Variants in EIF4G3 observed in about 807,000 individuals in gnomAD.
EIF4G3 encodes the protein eIF-4-gamma 3.
In EIF4G3, 34 loss-of-function variants were observed where a neutral mutation model predicts 186.4. The ratio of observed to expected loss-of-function variants is 0.18; its 90% CI spans 0.14 to 0.24. The LOEUF is 0.24. Ranked by LOEUF, EIF4G3 falls within the 10% of genes least tolerant of loss-of-function variation. The probability of loss-of-function intolerance (pLI) is 1.00; values close to 1 mark genes in which losing one functional copy is unlikely to be tolerated. For missense variants in EIF4G3, 1,536 were observed against 1,948.5 expected (o/e 0.79, Z 3.99); for synonymous variants, 673 against 679.5 (o/e 0.99, Z 0.15).
intron 2 of EIF4G3, chr1:21,111,619 G>C (rs886423387): frequency 3.7e-6 from 1 of 266,936 alleles, no homozygotes; most frequent in Non-Finnish European, 7.5e-6. Context: ...ACAAGGAAAA[G>C]TAGGTCCGTG....
intron 29 of EIF4G3, among the ~76,000 whole-genome samples, chr1:20,843,642 T>C (rs1396371725): frequency 6.6e-6 from 1 of 152,226 alleles, no homozygotes; most frequent in African/African-American, 2.4e-5. Flanking sequence ...TATCATGATA[T>C]ATATTTTTTA....
chr1:20,954,915 A>G (rs2154563903), intron 12 of EIF4G3, among the ~76,000 whole-genome samples: 1 of 152,324 alleles, frequency 6.6e-6, no homozygotes, highest in Non-Finnish European at 1.5e-5. Flanking sequence ...CTGAGTAAGC[A>G]ACATTCAGGT....
chr1:20,840,410 GGCACACA>G (rs1299784207), intron 30 of EIF4G3, among the ~76,000 whole-genome samples: 3 of 152,166 alleles, frequency 2.0e-5, no homozygotes, highest in African/African-American at 7.2e-5. Flanking sequence ...GGCTAGAGTG[GGCACACA>G]AGTGCTTCCT....
At chr1:21,015,071 T>TA (rs935708083) in intron 4 of EIF4G3, among the ~76,000 whole-genome samples, 30 of 130,274 alleles carry the variant, frequency 2.3e-4, no homozygotes, top group East Asian at 1.3e-3. Context: ...AGAAATAGTT[T>TA]AAAAAAAAAA....
intron 14 of EIF4G3, among the ~76,000 whole-genome samples, chr1:20,923,429 CTT>C (rs1332730633): frequency 6.6e-6 from 1 of 152,114 alleles, no homozygotes; most frequent in African/African-American, 2.4e-5. Flanking sequence ...TAATAAGACA[CTT>C]TTGAACCACT....
At chr1:21,018,537 G>T (rs2089867516) in intron 4 of EIF4G3, among the ~76,000 whole-genome samples, 2 of 151,598 alleles carry the variant, frequency 1.3e-5, no homozygotes, top group Non-Finnish European at 2.9e-5. Context: ...TCCAGCCTGG[G>T]CAACAGAGCT....
Position 20,950,120 on chromosome 1 carries a change from TG to T in EIF4G3, c.715-10del. ...ACCTGGCTGGGCAGCTGCTGGGATT[TG>T]AAGTACAAAAAAGGGTGATAATGAG... On this transcript the variant is annotated splice_polypyrimidine_tract_variant and intron_variant, in intron 12 of 36. Transcript: ENST00000602326. The T allele has an allele frequency of 6.4e-7, 1 of 1,569,938 alleles. No individual in the cohort carries two copies. Among genetic ancestry groups the T allele is most frequent in the Non-Finnish European group, 8.6e-7 (1 of 1,164,182 alleles).
At position 20,843,256 on chromosome 1, in the gene EIF4G3, C is replaced by T. The variant is rs146115301; in HGVS notation, c.3889-2228G>A. 8.8e-3 allele frequency among the ~76,000 whole-genome samples: 1,331 copies of T among 152,082 alleles called. 73 individuals are homozygous for T. The East Asian group carries it at 0.19, about 22-fold the overall frequency. On this transcript the variant is annotated intron_variant, in intron 29 of 36. Transcript: ENST00000602326. The stretch of plus-strand genomic sequence containing the variant: ...TCAGGCTGGAAGCGGTGGCTCACAC[C>T]TGTAATCCCAGCACGTTGGGAGGCC...
intron 7 of EIF4G3, among the ~76,000 whole-genome samples, chr1:20,992,597 C>T (rs1570554151): frequency 6.6e-6 from 1 of 152,146 alleles, no homozygotes; most frequent in Non-Finnish European, 1.5e-5. Context: ...TATTTGTTTA[C>T]ACTAAATCCC....
At chr1:20,822,088 G>A (rs1423101120) in intron 33 of EIF4G3, among the ~76,000 whole-genome samples, 1 of 152,084 alleles carries the variant, frequency 6.6e-6, no homozygotes, top group Non-Finnish European at 1.5e-5. Flanking sequence ...ATGTTGGCCA[G>A]GCTGGTCTCG....
chr1:21,030,550 T>C (rs925866754), intron 4 of EIF4G3, among the ~76,000 whole-genome samples: 1 of 152,188 alleles, frequency 6.6e-6, no homozygotes, highest in Non-Finnish European at 1.5e-5. Context: ...CAGTGTCAAG[T>C]ATATCTTTAC....
chr1:21,170,198 C>T (rs139304063), intron 2 of EIF4G3, among the ~76,000 whole-genome samples: 16,435 of 43,578 alleles, frequency 0.38, 1,287 homozygotes, highest in African/African-American at 0.43. Flanking sequence ...AATAAACAAA[C>T]AAACAAACAA....
At chr1:21,072,482 C>A (rs2095472113) in intron 3 of EIF4G3, among the ~76,000 whole-genome samples, 1 of 152,166 alleles carries the variant, frequency 6.6e-6, no homozygotes, top group African/African-American at 2.4e-5. Flanking sequence ...CGGCTCACTG[C>A]AAGTGCTGCC....
At chr1:20,961,185 C>A (rs2096560816) in intron 12 of EIF4G3, among the ~76,000 whole-genome samples, 1 of 152,072 alleles carries the variant, frequency 6.6e-6, no homozygotes, top group South Asian at 2.1e-4. Context: ...GAGATCAAGA[C>A]CATCCTGGCC....
intron 18 of EIF4G3, among the ~76,000 whole-genome samples, chr1:20,889,381 A>G (rs1257478103): frequency 6.6e-6 from 1 of 152,258 alleles, no homozygotes; most frequent in African/African-American, 2.4e-5. Context: ...AGTTAAAATA[A>G]GTATAAATGG....
At position 20,849,408 on chromosome 1, in the gene EIF4G3, C is replaced by T. The variant is rs2072515688; in HGVS notation, c.3888+7G>A. ...TGTGTGTGTGTTTTTTTTTTAATCTCATTTACCTTAAAATCATTAATGTGT... is the reference window on the plus strand; with the variant it reads ...TGTGTGTGTGTTTTTTTTTTAATCTTATTTACCTTAAAATCATTAATGTGT... On this transcript the variant is annotated splice_region_variant and intron_variant, in intron 29 of 36. Coordinates refer to ENST00000602326, the MANE Select transcript of EIF4G3 (RefSeq NM_001391906.1). 3.5e-6 allele frequency: 5 copies of T among 1,433,090 alleles called. No individual in the cohort carries two copies. Among genetic ancestry groups the T allele is most frequent in the Non-Finnish European group, 4.7e-6 (5 of 1,055,542 alleles). 88.8% of individuals were successfully genotyped at this position (1,433,090 alleles called of 1,614,324 possible).
intron 29 of EIF4G3, among the ~76,000 whole-genome samples, chr1:20,844,969 A>G (rs1167892920): frequency 1.3e-5 from 2 of 152,198 alleles, no homozygotes; most frequent in African/African-American, 2.4e-5. Context: ...GAAGCTCTAT[A>G]GTTTAATTAG....
chr1:21,059,982 G>C (rs2094801638), intron 3 of EIF4G3, among the ~76,000 whole-genome samples: 1 of 152,230 alleles, frequency 6.6e-6, no homozygotes, highest in South Asian at 2.1e-4. Flanking sequence ...GACAGGGTCT[G>C]TATCACCTAG....
chr1:21,160,577 T>C (rs148986289), intron 2 of EIF4G3, among the ~76,000 whole-genome samples: 2 of 152,296 alleles, frequency 1.3e-5, no homozygotes, highest in African/African-American at 4.8e-5. Context: ...ATCATCATCA[T>C]ACTGACATCA....
Sources: gnomAD v4.1 joint callset for allele counts (sites outside exome capture counted in the v4.1 genomes callset) on GRCh38, gnomAD v4.1.1 for gene constraint, MANE v1.5 for transcripts, NCBI Gene and HGNC (gene_info 2026-07-23, HGNC 2026-07-21) for gene names.